DNAH14: variants seen among roughly 807,000 people sequenced by gnomAD.
DNAH14 encodes axonemal beta dynein heavy chain 14.
DNAH14 carries 478 observed loss-of-function variants against 520.9 expected under a neutral mutation model. That is an observed-to-expected ratio of 0.92 (90% CI 0.85 to 0.99). DNAH14 has a LOEUF of 0.99. Among genes scored for constraint, DNAH14 ranks in the 50% least tolerant of loss-of-function variants. The pLI is 0.00. For synonymous variants in DNAH14, 1,581 were observed against 1,757.2 expected (o/e 0.90, Z 2.51); for missense variants, 4,831 against 5,234.5 (o/e 0.92, Z 2.38).
At chr1:225,070,633 A>T (rs1183775289) in intron 17 of DNAH14, among the ~76,000 whole-genome samples, 1 of 152,014 alleles carries the variant, frequency 6.6e-6, no homozygotes, top group Non-Finnish European at 1.5e-5. Context: ...TGATTATGTG[A>T]TCTATTTTAG....
chr1:225,341,249 C>A (rs1451729695), intron 69 of DNAH14, among the ~76,000 whole-genome samples: 1 of 152,042 alleles, frequency 6.6e-6, no homozygotes, highest in Admixed American at 6.5e-5. Flanking sequence ...GGATTACCAG[C>A]GCATGCCACC....
chr1:225,256,571 A>G (rs1445040065), intron 44 of DNAH14, among the ~76,000 whole-genome samples: 3 of 152,328 alleles, frequency 2.0e-5, no homozygotes, highest in African/African-American at 2.4e-5. Context: ...ACATAGAAAT[A>G]AAAAAGCATG....
At chr1:225,389,991 G>C (rs2095885325) in intron 83 of DNAH14, 118 bp downstream of exon 83, 2 of 896,900 alleles carry the variant, frequency 2.2e-6, no homozygotes, top group Non-Finnish European at 3.4e-6. Flanking sequence ...GCCTCCACAG[G>C]TGCCTGGGTC....
chr1:225,224,925 C>T (rs2090398039), intron 41 of DNAH14, among the ~76,000 whole-genome samples: 1 of 152,204 alleles, frequency 6.6e-6, no homozygotes, highest in South Asian at 2.1e-4. Context: ...ACTCTGTGTG[C>T]ACTTTTTCTT....
At chr1:225,026,967 A>AT (rs34999252) in intron 11 of DNAH14, among the ~76,000 whole-genome samples, 6 of 151,894 alleles carry the variant, frequency 4.0e-5, no homozygotes, top group Middle Eastern at 3.4e-3. Context: ...TGAATCATGC[A>AT]TTTTTTTTGG....
At chr1:225,313,710 T>C (rs1467319763) in intron 60 of DNAH14, among the ~76,000 whole-genome samples, 1 of 152,234 alleles carries the variant, frequency 6.6e-6, no homozygotes, top group Non-Finnish European at 1.5e-5. Flanking sequence ...CCAGTAGTCA[T>C]TCAGGAGCAG....
At chr1:225,024,339 GA>G in intron 11 of DNAH14, 1 of 831,728 alleles carries the variant, frequency 1.2e-6, no homozygotes, top group South Asian at 5.5e-5. Context: ...TTTTCCCAAT[GA>G]AAAAACTATC....
At chr1:225,358,452 G>A (rs1476538870) in intron 73 of DNAH14, 44 bp from the exon 74 acceptor site, 1 of 1,413,008 alleles carries the variant, frequency 7.1e-7, no homozygotes, top group African/African-American at 1.5e-5. Flanking sequence ...TATCTCTCTG[G>A]GTGGCTTTTA....
rs1052325428 is a variant in DNAH14 at position 225,271,151 on chromosome 1, G to A, written c.7671+285G>A. ...TCCAGTATATCTGGCCTGGCATGTA[G>A]GAATCTGCATTTTTAACACACATAC... On this transcript the variant is annotated intron_variant, in intron 50 of 85. Transcript: ENST00000682510. Among the ~76,000 whole-genome samples, 9 of 152,202 alleles carry A rather than the reference G, an allele frequency of 5.9e-5. No individual in the cohort carries two copies. The East Asian group carries it at 1.5e-3, about 26-fold the overall frequency.
intron 17 of DNAH14, among the ~76,000 whole-genome samples, chr1:225,068,581 A>G (rs1463953948): frequency 6.6e-6 from 1 of 152,190 alleles, no homozygotes; most frequent in Non-Finnish European, 1.5e-5. Flanking sequence ...ATCCATGAGC[A>G]TGGAATGTTT....
intron 84 of DNAH14, among the ~76,000 whole-genome samples, chr1:225,395,379 G>T (rs2095993415): frequency 6.6e-6 from 1 of 152,178 alleles, no homozygotes; most frequent in Non-Finnish European, 1.5e-5. Flanking sequence ...AGATCACGAG[G>T]TCAGGAGATC....
chr1:225,111,281 A>G (rs1415684409), intron 23 of DNAH14, among the ~76,000 whole-genome samples: 4 of 152,018 alleles, frequency 2.6e-5, no homozygotes, highest in Non-Finnish European at 5.9e-5. Context: ...TTTGCTTTAT[A>G]TATCTGGGCC....
intron 36 of DNAH14, among the ~76,000 whole-genome samples, chr1:225,174,128 G>A (rs2083043901): frequency 6.6e-6 from 1 of 152,050 alleles, no homozygotes; most frequent in African/African-American, 2.4e-5. Context: ...GGGGGAGAGG[G>A]GAGGGATAGC....
chr1:225,088,864 C>T lies in DNAH14; in HGVS notation c.3573+3075C>T, dbSNP rs117767649. Among the ~76,000 whole-genome samples, 118 of 152,156 alleles carry T rather than the reference C, an allele frequency of 7.8e-4. 1 individual carries two copies. In the East Asian group the frequency reaches 0.017, roughly 22 times the overall value. ...TGAAATGGACAAATTCCTTAAAATA[C>T]GCAAATTACTAAAGCTTACTCAAGA... is the stretch of plus-strand genomic sequence containing the variant. On this transcript the variant is annotated intron_variant, in intron 21 of 85. Transcript: ENST00000682510.
Position 225,337,476 on chromosome 1 carries a change from G to A in DNAH14, c.10291G>A (p.Gly3431Arg), listed in dbSNP as rs561730299. 580 of 1,551,770 alleles carry A rather than the reference G, an allele frequency of 3.7e-4. 1 individual carries two copies. The highest frequency in any genetic ancestry group is 6.7e-4 in the Admixed American group (34 of 50,996). The change falls in exon 67 of 86, where the codon GGA becomes AGA. Residue 3431 changes from glycine to arginine, a missense_variant. By Grantham distance (125) the Gly-to-Arg change is moderately radical. Transcript: ENST00000682510. Reference sequence around the variant, plus strand: ...AAAAATTGAAAATGCTATGAAGACAGGAGGGAGTGTCCTCCTGCAGGTAAG... The same window carrying A: ...AAAAATTGAAAATGCTATGAAGACAAGAGGGAGTGTCCTCCTGCAGGTAAG... ...TKKIENAMKTGGSVLLQNLLE... is the reference protein window; with the variant it reads ...TKKIENAMKTRGSVLLQNLLE...
rs35341695 is a variant in DNAH14, at chr1:225,175,701, CTTT to C, written c.5535+7691_5535+7693del. ...AGGTGTAAGTGTGTTTATTTTGGATCTTTTTTTTTTTTTTTTTTTTGAGATGGA... is the reference window on the plus strand; with the variant it reads ...AGGTGTAAGTGTGTTTATTTTGGATCTTTTTTTTTTTTTTTTTGAGATGGA... On this transcript the variant is annotated intron_variant, in intron 36 of 85. Coordinates refer to ENST00000682510, the MANE Select transcript of DNAH14 (RefSeq NM_001367479.1). Among the ~76,000 whole-genome samples the C allele has an allele frequency of 1.4e-3, 151 of 109,188 alleles. 2 individuals are homozygous for C. The highest frequency in any genetic ancestry group is 8.5e-3 in the East Asian group (31 of 3,644). 71.6% of individuals were successfully genotyped at this position (109,188 alleles called of 152,430 possible).
At chr1:225,225,146 C>T (rs1260953636) in intron 41 of DNAH14, among the ~76,000 whole-genome samples, 2 of 152,158 alleles carry the variant, frequency 1.3e-5, no homozygotes, top group Non-Finnish European at 2.9e-5. Context: ...TACCCAGAGA[C>T]TAGCTAAACA....
rs2093325160 is a variant in DNAH14 at position 225,271,920 on chromosome 1, T to C, written c.7686T>C (p.Ile2562=). The C allele has an allele frequency of 1.3e-6, 2 of 1,541,838 alleles. No individual in the cohort carries two copies. Among genetic ancestry groups the C allele is most frequent in the East Asian group, 4.9e-5 (2 of 40,736 alleles). ...LCTIFQAHLG[I]YFSINNFTPE... Reference sequence around the variant, plus strand: ...TCTTTTTAAAGGCTCATTTGGGAATTTATTTCTCCATCAATAACTTCACAC... The same window carrying C: ...TCTTTTTAAAGGCTCATTTGGGAATCTATTTCTCCATCAATAACTTCACAC... Residue 2562 remains isoleucine, a synonymous_variant, in exon 51 of 86, where the codon ATT becomes ATC. Transcript: ENST00000682510.
intron 44 of DNAH14, among the ~76,000 whole-genome samples, chr1:225,253,381 C>T (rs1257967461): frequency 6.6e-6 from 1 of 152,092 alleles, no homozygotes; most frequent in African/African-American, 2.4e-5. Context: ...TAGAACATTA[C>T]TTCCTCTGGC....
Sources: gnomAD v4.1 joint callset for allele counts (sites outside exome capture counted in the v4.1 genomes callset) on GRCh38, gnomAD v4.1.1 for gene constraint, MANE v1.5 for transcripts, NCBI Gene and HGNC (gene_info 2026-07-23, HGNC 2026-07-21) for gene names.